CUX1: variants seen among roughly 807,000 people sequenced by gnomAD.
CUX1 encodes the protein cut like homeobox 1.
CUX1 carries 31 observed loss-of-function variants against 158.8 expected under a neutral mutation model. The ratio of observed to expected loss-of-function variants is 0.20; its 90% CI spans 0.15 to 0.26. The LOEUF is 0.26. Ranked by LOEUF, CUX1 falls within the 10% of genes least tolerant of loss-of-function variation. CUX1 has a pLI of 1.00. For missense variants in CUX1, 1,589 were observed against 2,014.6 expected, an observed-to-expected ratio of 0.79 and a Z score of 4.04; for synonymous variants, 879 against 862.1, an observed-to-expected ratio of 1.02 and a Z score of -0.34.
intron 1 of CUX1, among the ~76,000 whole-genome samples, chr7:101,846,600 T>C (rs957444868): frequency 1.3e-5 from 2 of 152,168 alleles, no homozygotes; most frequent in Non-Finnish European, 2.9e-5. Flanking sequence ...AGTGCTAGGA[T>C]TGCCAGCGGG....
At chr7:101,860,408 C>T (rs533393981) in intron 1 of CUX1, among the ~76,000 whole-genome samples, 17 of 152,164 alleles carry the variant, frequency 1.1e-4, no homozygotes, top group African/African-American at 2.4e-4. Context: ...AATGTCACTT[C>T]GAAAAAAATA....
intron 2 of CUX1, among the ~76,000 whole-genome samples, chr7:101,991,342 T>C (rs1478369950): frequency 4.6e-5 from 7 of 152,182 alleles, no homozygotes. Flanking sequence ...GTAGCAGATG[T>C]GTGTGTGTAT....
chr7:102,114,823 G>A (rs1447261380), intron 7 of CUX1, among the ~76,000 whole-genome samples: 1 of 152,126 alleles, frequency 6.6e-6, no homozygotes, highest in Non-Finnish European at 1.5e-5. Context: ...AAAGGTTGCA[G>A]TAAGCTGTGA....
chr7:102,035,652 C>CAA (rs10699446), intron 3 of CUX1, among the ~76,000 whole-genome samples: 42,097 of 90,342 alleles, frequency 0.47, 11,266 homozygotes, highest in African/African-American at 0.53. Context: ...GATAGCCAGC[C>CAA]AAAAAAAAAA....
chr7:102,101,309 C>A (rs529016191), intron 5 of CUX1, among the ~76,000 whole-genome samples: 25 of 152,310 alleles, frequency 1.6e-4, no homozygotes, highest in Admixed American at 7.8e-4. Context: ...AATGCCAAGC[C>A]CTTTAGATTC....
At position 101,849,633 on chromosome 7, in the gene CUX1, G is replaced by A. The variant is rs189837339; in HGVS notation, c.30+31964G>A. On this transcript the variant is annotated intron_variant, in intron 1 of 23. Coordinates refer to ENST00000292535, the MANE Select transcript of CUX1 (RefSeq NM_181552.4). ...CTTTGCTATTGTGAATAGTGCTGCA[G>A]TGAACATACATATGCATTTATCTTT... Among the ~76,000 whole-genome samples the A allele has an allele frequency of 6.6e-5, 10 of 152,190 alleles. No homozygotes were observed. The East Asian group carries it at 1.9e-3, about 29-fold the overall frequency.
intron 1 of CUX1, among the ~76,000 whole-genome samples, chr7:101,835,869 G>A (rs1282106589): frequency 1.3e-5 from 2 of 152,164 alleles, no homozygotes; most frequent in South Asian, 4.1e-4. Context: ...CTGAGTAGCT[G>A]GGACTACAGC....
chr7:101,913,564 G>A (rs892142769), intron 1 of CUX1: 4 of 288,700 alleles, frequency 1.4e-5, no homozygotes, highest in African/African-American at 6.8e-5. Flanking sequence ...ACAGACCCCC[G>A]GCTCATCTGG....
chr7:102,135,075 A>C (rs1246154344), intron 8 of CUX1, among the ~76,000 whole-genome samples: 5 of 152,114 alleles, frequency 3.3e-5, no homozygotes, highest in Admixed American at 3.3e-4. Flanking sequence ...TGTCCAAAAG[A>C]ATCGTGTATA....
At position 102,070,502 on chromosome 7, in the gene CUX1, C is replaced by G. The variant is rs781672364; in HGVS notation, c.268+85C>G. The G allele has an allele frequency of 1.2e-4, 124 of 1,030,480 alleles. 2 individuals carry two copies. Among genetic ancestry groups the G allele is most frequent in the Non-Finnish European group, 1.7e-4 (119 of 687,862 alleles). The allele number at this position is 1,030,480 out of a possible 1,614,324, so 63.8% of individuals were successfully genotyped here. ...TTTTTGGCTCATTCTTCTTGGCTTTCCTAAGGAAAATAAATACACCATCAG... is the reference window on the plus strand; with the variant it reads ...TTTTTGGCTCATTCTTCTTGGCTTTGCTAAGGAAAATAAATACACCATCAG... On this transcript the variant is annotated intron_variant, in intron 4 of 23. Coordinates refer to ENST00000292535, the MANE Select transcript of CUX1 (RefSeq NM_181552.4).
chr7:101,928,966 G>A (rs1024599300), intron 2 of CUX1, among the ~76,000 whole-genome samples: 16 of 150,500 alleles, frequency 1.1e-4, no homozygotes, highest in African/African-American at 2.7e-4. Context: ...CACTGCACCC[G>A]GCCACAAATG....
At chr7:102,140,356 C>T (rs1554499839) in intron 8 of CUX1, among the ~76,000 whole-genome samples, 2 of 152,178 alleles carry the variant, frequency 1.3e-5, no homozygotes, top group South Asian at 2.1e-4. Flanking sequence ...AGCAATTCTC[C>T]TGCCTCAGCC....
chr7:102,269,668 C>T (rs1791074478), intron 14 of CUX1, among the ~76,000 whole-genome samples: 1 of 150,286 alleles, frequency 6.7e-6, no homozygotes, highest in Non-Finnish European at 1.5e-5. Context: ...AGGTGATCTG[C>T]CCGCCTCGGC....
At chr7:102,173,916 G>A (rs1554511091) in intron 10 of CUX1, among the ~76,000 whole-genome samples, 1 of 152,088 alleles carries the variant, frequency 6.6e-6, no homozygotes, top group African/African-American at 2.4e-5. Context: ...AGCAAACATA[G>A]GAAACTGGGC....
chr7:102,042,625 C>T (rs1309618699), intron 3 of CUX1, among the ~76,000 whole-genome samples: 2 of 152,168 alleles, frequency 1.3e-5, no homozygotes, highest in Non-Finnish European at 2.9e-5. Context: ...CTATAAAACT[C>T]ATTTCCATCC....
intron 1 of CUX1, among the ~76,000 whole-genome samples, chr7:101,833,855 C>T (rs1161154529): frequency 6.6e-6 from 1 of 152,136 alleles, no homozygotes; most frequent in Non-Finnish European, 1.5e-5. Context: ...GAAATCTTCA[C>T]TGCAATTTTC....
At chr7:101,849,733 T>C (rs1414518453) in intron 1 of CUX1, among the ~76,000 whole-genome samples, 1 of 152,132 alleles carries the variant, frequency 6.6e-6, no homozygotes, top group East Asian at 1.9e-4. Flanking sequence ...ATTTCTGTCT[T>C]CAGGTCTTTG....
At chr7:102,120,153 GT>G (rs1831879541) in intron 8 of CUX1, among the ~76,000 whole-genome samples, 1 of 152,162 alleles carries the variant, frequency 6.6e-6, no homozygotes, top group Non-Finnish European at 1.5e-5. Flanking sequence ...TTGGGTTTGG[GT>G]TGCTACTGCA....
At chr7:102,043,750 G>GTATTAAT (rs1304036920) in intron 3 of CUX1, among the ~76,000 whole-genome samples, 3 of 152,072 alleles carry the variant, frequency 2.0e-5, no homozygotes, top group African/African-American at 7.2e-5. Context: ...TTGCTGGATC[G>GTATTAAT]TATTAATTTT....
Sources: allele counts gnomAD v4.1 joint callset (sites outside exome capture counted in the v4.1 genomes callset), GRCh38; gene constraint gnomAD v4.1.1; transcripts MANE v1.5; gene names NCBI Gene and HGNC (gene_info 2026-07-23, HGNC 2026-07-21).